The following ST6GALNAC5 variants were observed in gnomAD, a reference collection of about 807,000 sequenced individuals.
ST6GALNAC5 encodes the protein ST6 N-acetylgalactosaminide alpha-2,6-sialyltransferase 5.
ST6GALNAC5 carries 27 observed loss-of-function variants against 33.6 expected under a neutral mutation model. The observed-to-expected ratio is 0.80, with a 90% CI of 0.59 to 1.11. The LOEUF (loss-of-function observed/expected upper bound fraction) is 1.11, where lower values mean the gene tolerates loss of function less well. Ranked by LOEUF, ST6GALNAC5 falls within the 50% of genes least tolerant of loss-of-function variation. The probability of loss-of-function intolerance (pLI) is 0.00; values close to 1 mark genes in which losing one functional copy is unlikely to be tolerated. For synonymous variants in ST6GALNAC5, 194 were observed against 171.2 expected (o/e 1.13, Z -1.04); for missense variants, 428 against 454.0 (o/e 0.94, Z 0.52).
At chr1:77,014,276 C>T (rs922687899) in intron 2 of ST6GALNAC5, among the ~76,000 whole-genome samples, 2 of 152,220 alleles carry the variant, frequency 1.3e-5, no homozygotes, top group Non-Finnish European at 2.9e-5. Context: ...TATTACCATT[C>T]CGTCAGCCAA....
intron 2 of ST6GALNAC5, among the ~76,000 whole-genome samples, chr1:76,919,278 C>G (rs983618012): frequency 6.6e-6 from 1 of 152,072 alleles, no homozygotes; most frequent in East Asian, 1.9e-4. Context: ...TCTTGGGCTG[C>G]TTGGCTCCTC....
intron 2 of ST6GALNAC5, among the ~76,000 whole-genome samples, chr1:76,907,803 G>A (rs968376904): frequency 1.3e-5 from 2 of 152,094 alleles, no homozygotes; most frequent in African/African-American, 4.8e-5. Flanking sequence ...TTCAGCAAGT[G>A]TATTGTAGCT....
In ST6GALNAC5 at chr1:77,036,975, C is replaced by T. The variant is rs78904946; in HGVS notation, c.262-7229C>T. Among the ~76,000 whole-genome samples the T allele has an allele frequency of 1.5e-3, 235 of 152,210 alleles. 4 individuals are homozygous for T. The East Asian group carries it at 0.039, about 26-fold the overall frequency. ...GTCAAGGAAAGCCTCCCTGGGGAGG[C>T]GGTCTGAGGTAACACGTGGAAAAGT... is the stretch of plus-strand genomic sequence containing the variant. On this transcript the variant is annotated intron_variant, in intron 2 of 4. Transcript: ENST00000477717.
chr1:76,953,721 T>C (rs2100340783), intron 2 of ST6GALNAC5, among the ~76,000 whole-genome samples: 1 of 152,268 alleles, frequency 6.6e-6, no homozygotes, highest in South Asian at 2.1e-4. Flanking sequence ...TAAGAACTCT[T>C]TACTTAGATT....
intron 2 of ST6GALNAC5, among the ~76,000 whole-genome samples, chr1:76,960,437 G>A (rs551521165): frequency 1.1e-3 from 172 of 152,228 alleles, no homozygotes; most frequent in Non-Finnish European, 2.1e-3. Flanking sequence ...ACCACAGGAC[G>A]GGGCGAAATT....
chr1:77,056,051 G>C (rs1652386362), intron 4 of ST6GALNAC5, among the ~76,000 whole-genome samples: 1 of 152,142 alleles, frequency 6.6e-6, no homozygotes, highest in Admixed American at 6.5e-5. Flanking sequence ...GCCAGCTCTG[G>C]GTACTCAAAG....
chr1:76,941,938 A>C (rs551316121), intron 2 of ST6GALNAC5, among the ~76,000 whole-genome samples: 2 of 152,110 alleles, frequency 1.3e-5, no homozygotes, highest in Non-Finnish European at 2.9e-5. Context: ...GAGGTGTTAG[A>C]AGGGACAGTG....
chr1:76,867,831 T>A, intron 1 of ST6GALNAC5, 141 bp downstream of exon 1: 1 of 1,224,060 alleles, frequency 8.2e-7, no homozygotes, highest in East Asian at 2.5e-5. Flanking sequence ...TTCTACCCGC[T>A]CCGCGTTCCC....
At chr1:76,949,850 T>A (rs1358647515) in intron 2 of ST6GALNAC5, among the ~76,000 whole-genome samples, 1 of 152,154 alleles carries the variant, frequency 6.6e-6, no homozygotes, top group Non-Finnish European at 1.5e-5. Context: ...AACCCTTTTT[T>A]AGTCAGTGCA....
chr1:76,879,278 T>C (rs1443976238), intron 2 of ST6GALNAC5, among the ~76,000 whole-genome samples: 1 of 152,146 alleles, frequency 6.6e-6, no homozygotes, highest in Non-Finnish European at 1.5e-5. Context: ...AGTCATCTTT[T>C]AATTCATATT....
chr1:76,907,745 T>TA (rs1358246720), intron 2 of ST6GALNAC5, among the ~76,000 whole-genome samples: 1 of 152,126 alleles, frequency 6.6e-6, no homozygotes, highest in Admixed American at 6.6e-5. Flanking sequence ...AGGGGTCTTA[T>TA]AAGTGGCGCT....
chr1:76,970,759 AT>A lies in ST6GALNAC5; in HGVS notation c.262-73437del, dbSNP rs1193245925. On this transcript the variant is annotated intron_variant, in intron 2 of 4. Coordinates refer to ENST00000477717, the MANE Select transcript of ST6GALNAC5 (RefSeq NM_030965.3). ...CAATCCCAAGACACATACAGTAACT[AT>A]TTTTTTTAGTATGACTTTCACTCAA... Among the ~76,000 whole-genome samples the A allele has an allele frequency of 1.8e-4, 27 of 152,060 alleles. No individual in the cohort carries two copies. In the South Asian group the frequency reaches 5.6e-3, roughly 32 times the overall value.
At chr1:77,046,706 A>T (rs1341393536) in intron 3 of ST6GALNAC5, among the ~76,000 whole-genome samples, 6 of 152,326 alleles carry the variant, frequency 3.9e-5, no homozygotes, top group South Asian at 4.1e-4. Context: ...GAAGGAGGGG[A>T]ATTATTTAGT....
chr1:77,059,494 C>A (rs1652506160), intron 4 of ST6GALNAC5, among the ~76,000 whole-genome samples: 1 of 152,180 alleles, frequency 6.6e-6, no homozygotes, highest in Admixed American at 6.5e-5. Flanking sequence ...ACCACAGAAG[C>A]CATAGGCCCT....
chr1:77,044,602 T>C lies in ST6GALNAC5; in HGVS notation c.660T>C (p.Thr220=), dbSNP rs772903418. 2.6e-6 allele frequency: 4 copies of C among 1,551,900 alleles called. No homozygotes were observed. The East Asian group carries it at 9.1e-5, about 35-fold the overall frequency. The change falls in exon 3 of 5, where the codon ACT becomes ACC. Residue 220 remains threonine (T), a synonymous_variant. Coordinates refer to ENST00000477717, the MANE Select transcript of ST6GALNAC5 (RefSeq NM_030965.3). ...LQFDELFKQE[T]GKDRKISNTW... ...TTGATGAGCTCTTCAAGCAGGAGAC[T>C]GGCAAAGACAGGTACAAAGGCACAG...
At chr1:77,012,863 C>A (rs1203363369) in intron 2 of ST6GALNAC5, among the ~76,000 whole-genome samples, 2 of 152,138 alleles carry the variant, frequency 1.3e-5, no homozygotes, top group Non-Finnish European at 2.9e-5. Context: ...GTGGTGGAGA[C>A]AGACAGCAAA....
intron 2 of ST6GALNAC5, among the ~76,000 whole-genome samples, chr1:76,887,396 G>GT (rs1653922170): frequency 6.6e-6 from 1 of 152,020 alleles, no homozygotes; most frequent in African/African-American, 2.4e-5. Flanking sequence ...GTCTAAGTCT[G>GT]TTTTTGTTTT....
intron 2 of ST6GALNAC5, among the ~76,000 whole-genome samples, chr1:76,936,986 G>GTGTGTGTT (rs1647213290): frequency 6.6e-6 from 1 of 150,926 alleles, no homozygotes; most frequent in African/African-American, 2.5e-5. Flanking sequence ...GTGTGTGTGT[G>GTGTGTGTT]TGTATGTGTT....
chr1:76,894,525 G>A (rs1357308343), intron 2 of ST6GALNAC5, among the ~76,000 whole-genome samples: 1 of 152,168 alleles, frequency 6.6e-6, no homozygotes, highest in African/African-American at 2.4e-5. Flanking sequence ...TGTGCCAAAT[G>A]GGCCTTCCCT....
Sources: gnomAD v4.1 joint callset for allele counts (sites outside exome capture counted in the v4.1 genomes callset) on GRCh38, gnomAD v4.1.1 for gene constraint, MANE v1.5 for transcripts, NCBI Gene and HGNC (gene_info 2026-07-23, HGNC 2026-07-21) for gene names.